The following THSD7B variants were observed in gnomAD, a reference collection of about 807,000 sequenced individuals.
THSD7B encodes the protein thrombospondin type 1 domain containing 7B, also known as thrombospondin type-1 domain-containing protein 7B.
THSD7B carries 138 observed loss-of-function variants against 213.6 expected under a neutral mutation model. The ratio of observed to expected loss-of-function variants is 0.65; its 90% CI spans 0.56 to 0.74. The LOEUF (loss-of-function observed/expected upper bound fraction) is 0.74, where lower values mean the gene tolerates loss of function less well. Among genes scored for constraint, THSD7B ranks in the 30% least tolerant of loss-of-function variants. The pLI, the probability that THSD7B is intolerant of heterozygous loss-of-function variation, is 0.00. For missense variants in THSD7B, 1,931 were observed against 1,991.5 expected (o/e 0.97, Z 0.58); for synonymous variants, 742 against 687.0 (o/e 1.08, Z -1.25).
intron 12 of THSD7B, among the ~76,000 whole-genome samples, chr2:137,400,151 T>A (rs1192255042): frequency 3.9e-5 from 6 of 152,208 alleles, no homozygotes; most frequent in Non-Finnish European, 8.8e-5. Context: ...TAAATTGCTT[T>A]TCTGATTTCT....
chr2:136,984,129 C>T (rs1249292335), intron 2 of THSD7B, among the ~76,000 whole-genome samples: 2 of 152,280 alleles, frequency 1.3e-5, no homozygotes, highest in South Asian at 4.2e-4. Context: ...AATTATCAAC[C>T]CAAGGTCATA....
At chr2:137,308,414 C>A (rs552964098) in intron 12 of THSD7B, among the ~76,000 whole-genome samples, 3 of 151,964 alleles carry the variant, frequency 2.0e-5, no homozygotes, top group African/African-American at 7.2e-5. Flanking sequence ...CGTGTGGGGG[C>A]TTTATAAGTG....
At chr2:136,975,771 T>A (rs1465808127) in intron 2 of THSD7B, among the ~76,000 whole-genome samples, 1 of 152,238 alleles carries the variant, frequency 6.6e-6, no homozygotes, top group African/African-American at 2.4e-5. Flanking sequence ...ATAAATTGCT[T>A]TGGGCAGTAT....
At chr2:137,434,407 T>G (rs553837128) in intron 14 of THSD7B, among the ~76,000 whole-genome samples, 22 of 152,188 alleles carry the variant, frequency 1.4e-4, no homozygotes, top group Admixed American at 1.1e-3. Context: ...TTTAACAGTA[T>G]GTTCATAAAT....
chr2:137,003,965 C>G (rs1023079165), intron 2 of THSD7B, among the ~76,000 whole-genome samples: 5 of 152,246 alleles, frequency 3.3e-5, no homozygotes, highest in Middle Eastern at 3.4e-3. Context: ...AAAACCCAAA[C>G]CTATCTTTTC....
At chr2:136,970,002 A>G (rs550063327) in intron 2 of THSD7B, among the ~76,000 whole-genome samples, 2 of 152,270 alleles carry the variant, frequency 1.3e-5, no homozygotes, top group Non-Finnish European at 2.9e-5. Flanking sequence ...TGGTTAAAAA[A>G]GAAAATATTT....
At chr2:137,615,001 C>T (rs1003040046) in intron 17 of THSD7B, among the ~76,000 whole-genome samples, 1 of 152,090 alleles carries the variant, frequency 6.6e-6, no homozygotes. Context: ...TTTTATTTTT[C>T]CCATGACTTA....
chr2:137,580,959 C>T (rs949523842), intron 17 of THSD7B, among the ~76,000 whole-genome samples: 3 of 152,156 alleles, frequency 2.0e-5, no homozygotes, highest in Admixed American at 6.5e-5. Flanking sequence ...CTAGGCCCCA[C>T]CTTCAACATT....
At chr2:137,527,067 G>A (rs781445171) in intron 15 of THSD7B, among the ~76,000 whole-genome samples, 1 of 152,150 alleles carries the variant, frequency 6.6e-6, no homozygotes, top group Admixed American at 6.6e-5. Flanking sequence ...CTGGAAGGAA[G>A]TATTGATTAA....
At chr2:137,373,323 A>T (rs1003397539) in intron 12 of THSD7B, among the ~76,000 whole-genome samples, 2 of 152,186 alleles carry the variant, frequency 1.3e-5, no homozygotes, top group African/African-American at 4.8e-5. Flanking sequence ...AACAGTGTAC[A>T]AGTGTTCCTA....
intron 20 of THSD7B, among the ~76,000 whole-genome samples, chr2:137,624,727 CTCA>C: frequency 6.6e-6 from 1 of 152,294 alleles, no homozygotes; most frequent in Admixed American, 6.5e-5. Flanking sequence ...TGAAAAAATG[CTCA>C]TCATCACTGG....
chr2:136,852,868 T>C (rs1376671611), intron 1 of THSD7B, among the ~76,000 whole-genome samples: 7 of 152,224 alleles, frequency 4.6e-5, no homozygotes, highest in Non-Finnish European at 8.8e-5. Context: ...TTTCTTCATG[T>C]GTTTTGGCAT....
chr2:137,384,326 T>C (rs1685845247), intron 12 of THSD7B, among the ~76,000 whole-genome samples: 1 of 152,234 alleles, frequency 6.6e-6, no homozygotes, highest in Non-Finnish European at 1.5e-5. Context: ...ATTGATATTC[T>C]TAATTCAATC....
chr2:137,387,479 T>C (rs1685923066), intron 12 of THSD7B, among the ~76,000 whole-genome samples: 1 of 152,102 alleles, frequency 6.6e-6, no homozygotes, highest in Non-Finnish European at 1.5e-5. Flanking sequence ...ACAACAATAT[T>C]CCAAGTTAAA....
At chr2:137,268,466 T>G (rs1682654805) in intron 10 of THSD7B, among the ~76,000 whole-genome samples, 1 of 152,144 alleles carries the variant, frequency 6.6e-6, no homozygotes, top group Admixed American at 6.6e-5. Context: ...ATCCATGTTA[T>G]TATTTCTTGA....
intron 1 of THSD7B, among the ~76,000 whole-genome samples, chr2:136,858,499 T>C (rs1486949894): frequency 6.6e-6 from 1 of 152,234 alleles, no homozygotes; most frequent in African/African-American, 2.4e-5. Flanking sequence ...AATGCTTAGG[T>C]AATACATCAA....
chr2:136,934,060 T>G lies in THSD7B; in HGVS notation c.139+51743T>G, dbSNP rs187853878. ...CCTCATTGACACAAAAAGGCATTAG[T>G]CTAATTAAATTAGGGGCTATTAAAT... On this transcript the variant is annotated intron_variant, in intron 2 of 27. Transcript: ENST00000409968. 2.0e-5 allele frequency among the ~76,000 whole-genome samples: 3 copies of G among 152,304 alleles called. No individual in the cohort carries two copies. The East Asian group carries it at 5.8e-4, about 29-fold the overall frequency.
chr2:136,937,716 G>A (rs1233402564), intron 2 of THSD7B, among the ~76,000 whole-genome samples: 2 of 151,996 alleles, frequency 1.3e-5, no homozygotes, highest in African/African-American at 4.8e-5. Flanking sequence ...GCCTGAATTT[G>A]GCTGGAAGTC....
intron 17 of THSD7B, among the ~76,000 whole-genome samples, chr2:137,587,616 G>T (rs1681765962): frequency 6.6e-6 from 1 of 152,234 alleles, no homozygotes; most frequent in African/African-American, 2.4e-5. Flanking sequence ...AACCCTGTTT[G>T]CCTGGGTATC....
Sources: allele counts gnomAD v4.1 joint callset (sites outside exome capture counted in the v4.1 genomes callset), GRCh38; gene constraint gnomAD v4.1.1; transcripts MANE v1.5; gene names NCBI Gene and HGNC (gene_info 2026-07-23, HGNC 2026-07-21).